CENPP: variants seen among roughly 807,000 people sequenced by gnomAD.
CENPP encodes the protein centromere protein P.
Under a neutral mutation model 35.6 loss-of-function variants are expected in CENPP, and 24 were observed. That is an observed-to-expected ratio of 0.67 (90% CI 0.49 to 0.95). The LOEUF (loss-of-function observed/expected upper bound fraction) is 0.95. Among genes scored for constraint, CENPP ranks in the 40% least tolerant of loss-of-function variants. CENPP has a pLI of 0.00. For missense variants in CENPP, 332 were observed against 345.3 expected, an observed-to-expected ratio of 0.96 and a Z score of 0.31; for synonymous variants, 120 against 125.5, an observed-to-expected ratio of 0.96 and a Z score of 0.29.
At chr9:92,533,303 C>CAAACAAAAAA (rs1223222898) in intron 5 of CENPP, among the ~76,000 whole-genome samples, 1 of 29,882 alleles carries the variant, frequency 3.3e-5, no homozygotes. Flanking sequence ...CGGTCTCAAA[C>CAAACAAAAAA]AAAAAAAAAA....
chr9:92,508,762 C>G (rs902563032), intron 5 of CENPP, among the ~76,000 whole-genome samples: 1 of 152,022 alleles, frequency 6.6e-6, no homozygotes, highest in Non-Finnish European at 1.5e-5. Flanking sequence ...TTTCTCAATA[C>G]CAGAAGTGTT....
At chr9:92,330,529 G>A (rs1027564952) in intron 1 of CENPP, among the ~76,000 whole-genome samples, 6 of 151,940 alleles carry the variant, frequency 3.9e-5, no homozygotes, top group African/African-American at 1.2e-4. Context: ...AAGAATCCAA[G>A]GAAGAGATGT....
rs34701393 is a variant in CENPP, at chr9:92,555,214, ATTTTTT to A, written c.565-56074_565-56069del. Among the ~76,000 whole-genome samples, 22 of 63,462 alleles carry A rather than the reference ATTTTTT, an allele frequency of 3.5e-4. No individual in the cohort carries two copies. In the South Asian group the frequency reaches 9.0e-3, roughly 26 times the overall value. The allele number at this position is 63,462 out of a possible 152,430, so 41.6% of individuals were successfully genotyped here. A position where few individuals can be genotyped will look rare whatever the true frequency, so the allele number is the denominator to read the frequency against. ...TCTGGTCTTGGACTTTTTTTTGGAA[ATTTTTT>A]TTTTTTTTTTTTTTTTTTTTTTTTT... On this transcript the variant is annotated intron_variant, in intron 5 of 7. Coordinates refer to ENST00000375587, the MANE Select transcript of CENPP (RefSeq NM_001012267.3).
chr9:92,520,443 A>G (rs1283499563), intron 5 of CENPP, among the ~76,000 whole-genome samples: 1 of 152,212 alleles, frequency 6.6e-6, no homozygotes, highest in East Asian at 1.9e-4. Flanking sequence ...AAGAACAGCT[A>G]TAATTAAAAA....
At chr9:92,446,833 A>T (rs1844564265) in intron 5 of CENPP, among the ~76,000 whole-genome samples, 1 of 151,880 alleles carries the variant, frequency 6.6e-6, no homozygotes, top group African/African-American at 2.4e-5. Context: ...AAAAATAGAA[A>T]AGAAAAGAAA....
In CENPP at chr9:92,614,722, A is replaced by G. The variant is rs1851378245; in HGVS notation, c.*1573A>G. The G allele has an allele frequency of 6.6e-6, 1 of 152,640 alleles. No individual in the cohort carries two copies. Among genetic ancestry groups the G allele is most frequent in the Non-Finnish European group, 1.5e-5 (1 of 68,038 alleles). The allele number at this position is 152,640 out of a possible 1,614,324, so 9.5% of individuals were successfully genotyped here. ...AAGCCTCCATTAGTCCCTCAAAACGATGATATAAATAAGTCTGTACAACCT... is the reference window on the plus strand; with the variant it reads ...AAGCCTCCATTAGTCCCTCAAAACGGTGATATAAATAAGTCTGTACAACCT... On this transcript the variant is annotated 3_prime_UTR_variant, in exon 8 of 8. Transcript: ENST00000375587.
intron 5 of CENPP, chr9:92,460,430 C>G (rs1344842117): frequency 8.2e-7 from 1 of 1,213,650 alleles, no homozygotes; most frequent in Non-Finnish European, 1.2e-6. Flanking sequence ...TGTGCACATT[C>G]TCCAGGAGGT....
intron 5 of CENPP, among the ~76,000 whole-genome samples, chr9:92,466,962 T>C (rs879648040): frequency 3.9e-5 from 6 of 152,176 alleles, no homozygotes; most frequent in African/African-American, 7.2e-5. Context: ...GCACACCAAA[T>C]ATACTTTTGC....
At position 92,410,977 on chromosome 9, in the gene CENPP, C is replaced by CA. The variant is rs1554759270; in HGVS notation, c.564+31118_564+31119insA. ...CCCACATAGCTCTTATATCAGATTC[C>CA]TTTTTTTTTCCTTTTGAGACAGAGT... On this transcript the variant is annotated intron_variant, in intron 5 of 7. Coordinates refer to ENST00000375587, the MANE Select transcript of CENPP (RefSeq NM_001012267.3). 2.2e-3 allele frequency among the ~76,000 whole-genome samples: 325 copies of CA among 151,126 alleles called. 1 individual carries two copies. The highest frequency in any genetic ancestry group is 7.2e-3 in the African/African-American group (297 of 41,154).
intron 5 of CENPP, among the ~76,000 whole-genome samples, chr9:92,554,317 G>A (rs1286286326): frequency 6.6e-6 from 1 of 151,912 alleles, no homozygotes; most frequent in African/African-American, 2.4e-5. Flanking sequence ...CCCAGTAGCT[G>A]GGATTACAGG....
At position 92,467,940 on chromosome 9, in the gene CENPP, G is replaced by T. The variant is rs1845374242; in HGVS notation, c.564+88081G>T. Among the ~76,000 whole-genome samples the T allele has an allele frequency of 2.0e-5, 3 of 152,232 alleles. No individual in the cohort carries two copies. In the South Asian group the frequency reaches 6.2e-4, roughly 31 times the overall value. On this transcript the variant is annotated intron_variant, in intron 5 of 7. Transcript: ENST00000375587. Reference sequence around the variant, plus strand: ...TTTTCCTTTGGTTACACTGAAAAATGAGGTGAGGGGAATTTAACAACTTGG... The same window carrying T: ...TTTTCCTTTGGTTACACTGAAAAATTAGGTGAGGGGAATTTAACAACTTGG...
intron 4 of CENPP, among the ~76,000 whole-genome samples, chr9:92,365,406 CTTTTTTTTTTT>C (rs33952600): frequency 1.8e-3 from 146 of 81,498 alleles, no homozygotes; most frequent in African/African-American, 7.0e-3. Context: ...TATAACTACT[CTTTTTTTTTTT>C]TTTTTTTTTT....
At chr9:92,391,212 C>T (rs902909670) in intron 5 of CENPP, among the ~76,000 whole-genome samples, 21 of 149,536 alleles carry the variant, frequency 1.4e-4, no homozygotes, top group African/African-American at 4.4e-4. Flanking sequence ...CTGGCTAACA[C>T]GGTGAAACCC....
At chr9:92,335,427 C>T (rs559020576) in intron 2 of CENPP, among the ~76,000 whole-genome samples, 6 of 152,122 alleles carry the variant, frequency 3.9e-5, no homozygotes, top group Non-Finnish European at 8.8e-5. Flanking sequence ...TTTTCTTTAC[C>T]GCATTTTTGG....
intron 5 of CENPP, among the ~76,000 whole-genome samples, chr9:92,539,376 T>A (rs980731546): frequency 3.3e-5 from 3 of 90,196 alleles, no homozygotes; most frequent in Non-Finnish European, 6.1e-5. Flanking sequence ...CCACTGCCTG[T>A]GGAAGAAGTA....
Position 92,379,840 on chromosome 9 carries a change from G to T in CENPP, c.545G>T (p.Arg182Leu), listed in dbSNP as rs112987350. ...GTGGAGTGGTTTGAATATCGTAAGC[G>T]CACGTTTAAACATCTCAAGGTAAAG... ...FFVEWFEYRK[R>L]TFKHLKEKYP... The change falls in exon 5 of 8, where the codon CGC becomes CTC. Residue 182 changes from arginine to leucine, a missense_variant. Physicochemically the swap from Arg to Leu is moderately radical, Grantham distance 102. Coordinates refer to ENST00000375587, the MANE Select transcript of CENPP (RefSeq NM_001012267.3). 5.6e-6 allele frequency: 9 copies of T among 1,610,230 alleles called. No individual in the cohort carries two copies. Among genetic ancestry groups the T allele is most frequent in the Non-Finnish European group, 7.6e-6 (9 of 1,176,580 alleles).
At chr9:92,382,671 T>C (rs1439465951) in intron 5 of CENPP, among the ~76,000 whole-genome samples, 4 of 152,118 alleles carry the variant, frequency 2.6e-5, no homozygotes, top group Non-Finnish European at 5.9e-5. Flanking sequence ...TTTAGTTTGT[T>C]TTTAAATATT....
At chr9:92,528,722 G>C (rs1198101370) in intron 5 of CENPP, among the ~76,000 whole-genome samples, 2 of 151,992 alleles carry the variant, frequency 1.3e-5, no homozygotes, top group Non-Finnish European at 2.9e-5. Context: ...AAAGGCTGCT[G>C]TGATCCCATT....
intron 4 of CENPP, among the ~76,000 whole-genome samples, chr9:92,369,005 C>T (rs1334400772): frequency 6.6e-6 from 1 of 152,186 alleles, no homozygotes; most frequent in African/African-American, 2.4e-5. Flanking sequence ...GATCATGCCA[C>T]TGCACTCCAG....
Sources: allele counts gnomAD v4.1 joint callset (sites outside exome capture counted in the v4.1 genomes callset), GRCh38; gene constraint gnomAD v4.1.1; transcripts MANE v1.5; gene names NCBI Gene and HGNC (gene_info 2026-07-23, HGNC 2026-07-21).